The following SHISA9 variants were observed in gnomAD, a reference collection of about 807,000 sequenced individuals.
SHISA9 encodes protein shisa-9.
In SHISA9, 13 loss-of-function variants were observed where a neutral mutation model predicts 38.0. That is an observed-to-expected ratio of 0.34 (90% CI 0.22 to 0.54). SHISA9 has a LOEUF of 0.54. Among genes scored for constraint, SHISA9 ranks in the 20% least tolerant of loss-of-function variants. SHISA9 has a pLI of 0.91. For synonymous variants in SHISA9, 275 were observed against 242.0 expected (o/e 1.14, Z -1.27); for missense variants, 538 against 575.8 (o/e 0.93, Z 0.67).
At chr16:13,296,143 AAT>A in the SHISA9 span, among the ~76,000 whole-genome samples, 2 of 151,896 alleles carry the variant, frequency 1.3e-5, no homozygotes, top group Non-Finnish European at 1.5e-5. Flanking sequence ...TTTTTTATTG[AAT>A]GCAATATTTT....
intron 2 of SHISA9, among the ~76,000 whole-genome samples, chr16:13,075,411 C>T (rs559908049): frequency 3.3e-5 from 5 of 152,264 alleles, no homozygotes; most frequent in South Asian, 4.1e-4. Context: ...ATCCTGAGTA[C>T]GTCATCATGC....
the SHISA9 span, among the ~76,000 whole-genome samples, chr16:13,389,868 C>A: frequency 6.6e-6 from 1 of 152,214 alleles, no homozygotes; most frequent in African/African-American, 2.4e-5. Flanking sequence ...CCTTCTGCCC[C>A]TAAAGGGTTG....
At chr16:13,095,820 G>A (rs1490122794) in intron 2 of SHISA9, among the ~76,000 whole-genome samples, 2 of 152,244 alleles carry the variant, frequency 1.3e-5, no homozygotes, top group African/African-American at 4.8e-5. Context: ...TAGCGCAATG[G>A]CTCTCAAACT....
the SHISA9 span, among the ~76,000 whole-genome samples, chr16:13,400,633 G>T: frequency 1.3e-5 from 2 of 152,194 alleles, no homozygotes; most frequent in African/African-American, 4.8e-5. Flanking sequence ...GTTGCTGCCA[G>T]GGTCCCCACA....
At chr16:13,216,640 T>C (rs995592241) in intron 4 of SHISA9, among the ~76,000 whole-genome samples, 2 of 152,054 alleles carry the variant, frequency 1.3e-5, no homozygotes, top group African/African-American at 4.8e-5. Context: ...TTTGGGAACA[T>C]AGGGCGTGGG....
In SHISA9 at chr16:13,167,845, T is replaced by G. The variant is rs951481774; in HGVS notation, c.692-35549T>G. 1.1e-4 allele frequency among the ~76,000 whole-genome samples: 17 copies of G among 152,222 alleles called. 2 individuals are homozygous for G. Among genetic ancestry groups the G allele is most frequent in the Admixed American group, 1.0e-3 (16 of 15,286 alleles). On this transcript the variant is annotated intron_variant, in intron 2 of 4. Transcript: ENST00000558583. ...TTTATAAATCACCCAGTCTCAGGTA[T>G]TTCTTTATAGCAGAACTTAGTGTGA...
chr16:13,484,564 T>C, the SHISA9 span, among the ~76,000 whole-genome samples: 1 of 152,230 alleles, frequency 6.6e-6, no homozygotes, highest in Non-Finnish European at 1.5e-5. Flanking sequence ...GTTGCCTCTC[T>C]GGCTGTATAG....
At chr16:13,032,341 A>G (rs1370189167) in intron 2 of SHISA9, among the ~76,000 whole-genome samples, 2 of 152,126 alleles carry the variant, frequency 1.3e-5, no homozygotes, top group African/African-American at 2.4e-5. Flanking sequence ...ATGTCCCTGA[A>G]AAGGACACGA....
At chr16:13,333,114 C>T in the SHISA9 span, among the ~76,000 whole-genome samples, 3 of 152,198 alleles carry the variant, frequency 2.0e-5, no homozygotes, top group African/African-American at 7.2e-5. Flanking sequence ...TGGTTCTCTC[C>T]AGGGCAGCTT....
Position 13,015,853 on chromosome 16 carries a change from C to CCTTTCTTTGTTTCTTT in SHISA9, c.691+99046_691+99047insGTTTCTTTCTTTCTTT, listed in dbSNP as rs1555454797. On this transcript the variant is annotated intron_variant, in intron 2 of 4. Transcript: ENST00000558583. The stretch of plus-strand genomic sequence containing the variant: ...TCTCTCTCTTTTCTTTCTTTCTTTC[C>CCTTTCTTTGTTTCTTT]CTTTCTTTCTTTCTTTCTTTCTTTC... Among the ~76,000 whole-genome samples the CCTTTCTTTGTTTCTTT allele has an allele frequency of 6.1e-3, 605 of 98,598 alleles. 14 individuals are homozygous for CCTTTCTTTGTTTCTTT. Among genetic ancestry groups the CCTTTCTTTGTTTCTTT allele is most frequent in the Non-Finnish European group, 8.2e-3 (388 of 47,212 alleles). The allele number at this position is 98,598 out of a possible 152,430, so 64.7% of individuals were successfully genotyped here. A position where few individuals can be genotyped will look rare whatever the true frequency, so the allele number is the denominator to read the frequency against.
At chr16:13,327,132 GAAA>G in the SHISA9 span, among the ~76,000 whole-genome samples, 1 of 152,156 alleles carries the variant, frequency 6.6e-6, no homozygotes, top group Non-Finnish European at 1.5e-5. Context: ...TACTCTATGT[GAAA>G]GACGCATTCC....
At chr16:12,920,120 C>G (rs1057117819) in intron 2 of SHISA9, among the ~76,000 whole-genome samples, 2 of 150,290 alleles carry the variant, frequency 1.3e-5, no homozygotes, top group African/African-American at 4.9e-5. Flanking sequence ...ACGTTTCTCA[C>G]TCATTTGTGT....
intron 2 of SHISA9, among the ~76,000 whole-genome samples, chr16:13,038,964 A>C (rs2073104053): frequency 1.3e-5 from 2 of 152,196 alleles, no homozygotes; most frequent in Admixed American, 1.3e-4. Context: ...ACTGGAGTGC[A>C]GTGGTGAAAT....
At chr16:13,552,800 C>A in the SHISA9 span, among the ~76,000 whole-genome samples, 1 of 151,962 alleles carries the variant, frequency 6.6e-6, no homozygotes, top group African/African-American at 2.4e-5. Context: ...TAGCTCTCTT[C>A]ACTTCTAATA....
the SHISA9 span, among the ~76,000 whole-genome samples, chr16:13,526,707 G>C: frequency 6.6e-6 from 1 of 152,082 alleles, no homozygotes; most frequent in African/African-American, 2.4e-5. Context: ...TTAAATCTAT[G>C]GTTCTCCCCT....
the SHISA9 span, among the ~76,000 whole-genome samples, chr16:13,504,019 T>C: frequency 6.6e-6 from 1 of 152,152 alleles, no homozygotes; most frequent in Non-Finnish European, 1.5e-5. Flanking sequence ...ACCTGCAAAG[T>C]AGATATTAAA....
chr16:13,088,796 C>A (rs1164841451), intron 2 of SHISA9, among the ~76,000 whole-genome samples: 1 of 152,144 alleles, frequency 6.6e-6, no homozygotes, highest in Non-Finnish European at 1.5e-5. Flanking sequence ...ATTGAATATC[C>A]TTTATTTCTT....
chr16:13,331,514 T>C, the SHISA9 span: 3 of 152,248 alleles, frequency 2.0e-5, no homozygotes, highest in African/African-American at 7.2e-5. Flanking sequence ...TAATACATTT[T>C]TATGTTTCAA....
chr16:13,281,550 C>T, the SHISA9 span, among the ~76,000 whole-genome samples: 2 of 139,602 alleles, frequency 1.4e-5, no homozygotes, highest in Non-Finnish European at 3.2e-5. Flanking sequence ...AGTTTTTGTT[C>T]TCATTCCTCT....
Sources: gnomAD v4.1 joint callset for allele counts (sites outside exome capture counted in the v4.1 genomes callset) on GRCh38, gnomAD v4.1.1 for gene constraint, MANE v1.5 for transcripts, NCBI Gene and HGNC (gene_info 2026-07-23, HGNC 2026-07-21) for gene names.